The following EIF4G3 variants were observed in gnomAD, a reference collection of about 807,000 sequenced individuals.
The protein encoded by EIF4G3 is eIF-4-gamma 3.
Under a neutral mutation model 186.4 loss-of-function variants are expected in EIF4G3, and 34 were observed. The ratio of observed to expected loss-of-function variants is 0.18; its 90% confidence interval spans 0.14 to 0.24. The LOEUF is 0.24. Among genes scored for constraint, EIF4G3 ranks in the 10% least tolerant of loss-of-function variants. The pLI, the probability that EIF4G3 is intolerant of heterozygous loss-of-function variation, is 1.00. For synonymous variants in EIF4G3, 673 were observed against 679.5 expected (o/e 0.99, Z 0.15); for missense variants, 1,536 against 1,948.5 (o/e 0.79, Z 3.99).
In EIF4G3 at chr1:20,904,831, G is replaced by C. The variant is rs368934247; in HGVS notation, c.1752+52C>G. Reference sequence around the variant, plus strand: ...AATAAATAGGTATAAACACATACCTGTCTATGAAATGGCACCACTGCTCTG... The same window carrying C: ...AATAAATAGGTATAAACACATACCTCTCTATGAAATGGCACCACTGCTCTG... On this transcript the variant is annotated intron_variant, in intron 15 of 36. Coordinates refer to ENST00000602326, the MANE Select transcript of EIF4G3 (RefSeq NM_001391906.1). 1.4e-4 allele frequency: 200 copies of C among 1,394,450 alleles called. 1 individual carries two copies. Among genetic ancestry groups the C allele is most frequent in the Non-Finnish European group, 1.3e-4 (127 of 985,474 alleles). The allele number at this position is 1,394,450 out of a possible 1,614,324, so 86.4% of individuals were successfully genotyped here.
intron 2 of EIF4G3, among the ~76,000 whole-genome samples, chr1:21,141,761 T>G (rs143204758): frequency 7.9e-5 from 12 of 152,176 alleles, no homozygotes; most frequent in Non-Finnish European, 1.3e-4. Context: ...AGACCCTGAC[T>G]CTACCAAAAA....
intron 16 of EIF4G3, among the ~76,000 whole-genome samples, chr1:20,895,989 C>T (rs569419740): frequency 4.6e-5 from 7 of 152,132 alleles, no homozygotes; most frequent in African/African-American, 9.6e-5. Context: ...ATTATTGCCC[C>T]GGAAGACCTT....
At chr1:20,993,031 A>G (rs1371247494) in intron 7 of EIF4G3, among the ~76,000 whole-genome samples, 1 of 152,212 alleles carries the variant, frequency 6.6e-6, no homozygotes, top group African/African-American at 2.4e-5. Flanking sequence ...ATATAAAATG[A>G]CTTAGTATTT....
rs201736670 is a variant in EIF4G3 at position 21,058,705 on chromosome 1, T to TTCTC, written c.-195-7715_-195-7712dup. Among the ~76,000 whole-genome samples the TTCTC allele has an allele frequency of 5.3e-5, 7 of 131,504 alleles. 1 individual carries two copies. The highest frequency in any genetic ancestry group is 7.9e-5 in the Non-Finnish European group (5 of 63,656). The allele number at this position is 131,504 out of a possible 152,430, so 86.3% of individuals were successfully genotyped here. ...CCATGCCCAGTAATTTTTCTTCTTC[T>TTCTC]TCTCTCTCTCTCTCTTTTTTTTTTT... On this transcript the variant is annotated intron_variant, in intron 3 of 36. Transcript: ENST00000602326.
chr1:20,811,019 A>C, intron 35 of EIF4G3, 135 bp from the exon 36 acceptor site: 1 of 774,898 alleles, frequency 1.3e-6, no homozygotes, highest in Non-Finnish European at 1.9e-6. Context: ...GCACAATCTA[A>C]GCTCACTGCA....
At chr1:20,837,836 A>G (rs1282888777) in intron 30 of EIF4G3, among the ~76,000 whole-genome samples, 1 of 152,126 alleles carries the variant, frequency 6.6e-6, no homozygotes, top group Non-Finnish European at 1.5e-5. Flanking sequence ...CAATCCCTAC[A>G]TTTCCCTCTT....
chr1:20,919,931 G>A (rs995514169), intron 14 of EIF4G3, among the ~76,000 whole-genome samples: 3 of 143,406 alleles, frequency 2.1e-5, no homozygotes, highest in African/African-American at 4.9e-5. Context: ...TTTTTAAGAC[G>A]GAGTTTTGCT....
rs761362334 is a variant in EIF4G3, at chr1:20,813,228, G to A, written c.4527C>T (p.Asp1509=). Reference sequence around the variant, plus strand: ...ATGTAGGTGAACTCATCTGGATTTCGTCTAGATTAGCCTGAAGTCAAAAAG... The same window carrying A: ...ATGTAGGTGAACTCATCTGGATTTCATCTAGATTAGCCTGAAGTCAAAAAG... ...QIFDWVEANL[D]EIQMSSPTFL... is the part of the protein sequence containing the mutation. Residue 1509 remains aspartate (D), a synonymous_variant, in exon 35 of 37, where the codon GAC becomes GAT. Transcript: ENST00000602326. The A allele has an allele frequency of 6.3e-5, 102 of 1,612,474 alleles. No individual in the cohort carries two copies. The highest frequency in any genetic ancestry group is 7.5e-5 in the Non-Finnish European group (88 of 1,178,984).
At chr1:20,890,594 T>G (rs1451045717) in intron 18 of EIF4G3, among the ~76,000 whole-genome samples, 6 of 152,270 alleles carry the variant, frequency 3.9e-5, no homozygotes, top group African/African-American at 1.4e-4. Context: ...TAGATGGCAC[T>G]ACAGGTGTGT....
chr1:20,965,676 GAAAATTAGATCAAATGGTGTCTCTGTGGT>G (rs973720401), intron 12 of EIF4G3, among the ~76,000 whole-genome samples: 3 of 151,974 alleles, frequency 2.0e-5, no homozygotes, highest in African/African-American at 7.3e-5. Context: ...GAATACCCAT[GAAAATTAGATCAAATGGTGTCTCTGTGGT>G]AAAGCCTTCC....
intron 20 of EIF4G3, among the ~76,000 whole-genome samples, chr1:20,869,292 T>C (rs2078433450): frequency 6.6e-6 from 1 of 151,544 alleles, no homozygotes; most frequent in African/African-American, 2.4e-5. Flanking sequence ...TTCTAGAGGA[T>C]AGTTTACTTT....
intron 2 of EIF4G3, chr1:21,111,253 C>T (rs928117270): frequency 1.5e-4 from 71 of 467,740 alleles, no homozygotes; most frequent in Non-Finnish European, 1.9e-4. Context: ...TGGCACTCTA[C>T]GAAGGCATAG....
intron 19 of EIF4G3, 76 bp downstream of exon 19, chr1:20,886,125 C>T (rs1252603833): frequency 2.0e-6 from 3 of 1,479,580 alleles, no homozygotes; most frequent in East Asian, 2.3e-5. Flanking sequence ...TCTCTAGAAA[C>T]ATTAGCAAAG....
intron 4 of EIF4G3, among the ~76,000 whole-genome samples, chr1:21,009,965 C>T (rs1041695611): frequency 6.6e-6 from 1 of 152,024 alleles, no homozygotes; most frequent in African/African-American, 2.4e-5. Context: ...AAACTGTCTT[C>T]TTAAGTGCTA....
intron 2 of EIF4G3, among the ~76,000 whole-genome samples, chr1:21,172,790 T>C (rs2098010088): frequency 2.0e-5 from 3 of 150,498 alleles, no homozygotes; most frequent in African/African-American, 7.4e-5. Flanking sequence ...TCTCATGATC[T>C]GCCCACCTCG....
At chr1:20,813,641 TGG>T (rs1283999570) in intron 34 of EIF4G3, among the ~76,000 whole-genome samples, 1 of 151,816 alleles carries the variant, frequency 6.6e-6, no homozygotes, top group Admixed American at 6.6e-5. Flanking sequence ...CTGAAGAGGA[TGG>T]ATCACCTGAG....
At chr1:21,061,229 A>G (rs2094897421) in intron 3 of EIF4G3, among the ~76,000 whole-genome samples, 2 of 152,202 alleles carry the variant, frequency 1.3e-5, no homozygotes, top group South Asian at 4.1e-4. Flanking sequence ...TATGCACTGT[A>G]CCACTTCAGC....
intron 14 of EIF4G3, among the ~76,000 whole-genome samples, chr1:20,934,419 A>C (rs1432458726): frequency 6.6e-6 from 1 of 152,152 alleles, no homozygotes; most frequent in Non-Finnish European, 1.5e-5. Flanking sequence ...GTAGAGAGGC[A>C]GTGAATACAT....
intron 24 of EIF4G3, among the ~76,000 whole-genome samples, 153 bp from the exon 25 acceptor site, chr1:20,857,650 T>C (rs757911643): frequency 2.6e-5 from 4 of 152,146 alleles, no homozygotes; most frequent in Non-Finnish European, 5.9e-5. Flanking sequence ...CAGGAAAATA[T>C]AAGCAGAAGC....
Sources: allele counts gnomAD v4.1 joint callset (sites outside exome capture counted in the v4.1 genomes callset), GRCh38; gene constraint gnomAD v4.1.1; transcripts MANE v1.5; gene names NCBI Gene and HGNC (gene_info 2026-07-23, HGNC 2026-07-21).